KXD1: variants seen among roughly 807,000 people sequenced by gnomAD.
The protein encoded by KXD1 is kxDL motif-containing protein 1.
In KXD1, 5 loss-of-function variants were observed where a neutral mutation model predicts 12.1. The observed-to-expected ratio is 0.41, with a 90% CI of 0.22 to 0.87. The LOEUF is 0.87. KXD1 is among the 40% of genes least tolerant of loss of function. The pLI, the probability that KXD1 is intolerant of heterozygous loss-of-function variation, is 0.31. For missense variants in KXD1, 193 were observed against 244.9 expected, an observed-to-expected ratio of 0.79 and a Z score of 1.41; for synonymous variants, 98 against 100.5, an observed-to-expected ratio of 0.98 and a Z score of 0.15.
intron 4 of KXD1, 186 bp downstream of exon 4, chr19:18,567,364 G>A: frequency 1.5e-6 from 1 of 655,674 alleles, no homozygotes; most frequent in Non-Finnish European, 2.8e-6. Context: ...GGCAGAGTGG[G>A]CACTAGGACG....
intron 4 of KXD1, chr19:18,567,397 G>A (rs1216130742): frequency 9.2e-6 from 6 of 652,966 alleles, no homozygotes; most frequent in East Asian, 5.4e-5. Flanking sequence ...CCGTGGGGAG[G>A]CCGCACAGGA....
chr19:18,568,136 G>C (rs1228606879), intron 4 of KXD1, among the ~76,000 whole-genome samples: 2 of 152,044 alleles, frequency 1.3e-5, no homozygotes, highest in Admixed American at 1.3e-4. Flanking sequence ...GCGTGATGAT[G>C]GGCATCTGTA....
intron 2 of KXD1, among the ~76,000 whole-genome samples, chr19:18,563,979 C>T (rs1383662290): frequency 6.6e-6 from 1 of 151,826 alleles, no homozygotes; most frequent in African/African-American, 2.4e-5. Flanking sequence ...GTCCGCCTCC[C>T]GGGTTCAAAT....
At position 18,567,084 on chromosome 19, in the gene KXD1, C is replaced by G. The variant is rs762492931; in HGVS notation, c.255-48C>G. The G allele has an allele frequency of 1.1e-5, 17 of 1,586,266 alleles. No homozygotes were observed. The South Asian group carries it at 1.1e-4, about 10-fold the overall frequency. On this transcript the variant is annotated intron_variant, in intron 3 of 4. Coordinates refer to ENST00000222307, the MANE Select transcript of KXD1 (RefSeq NM_024069.4). ...GGCTTGTGGCCAGCACCAGGCCCAG[C>G]CTACCTGCTCAGCAGGTTAAGCCCT... is the stretch of plus-strand genomic sequence containing the variant.
At chr19:18,568,265 C>CAAA (rs397859705) in intron 4 of KXD1, 137 bp from the exon 5 acceptor site, 76 of 501,658 alleles carry the variant, frequency 1.5e-4, no homozygotes, top group Middle Eastern at 5.0e-4. Context: ...AACTCCGTCT[C>CAAA]AAAAAAAAAA....
Position 18,567,159 on chromosome 19 carries a change from G to T in KXD1, c.282G>T (p.Gln94His). Reference protein sequence around the residue: ...IRTLKGKLARQHPEAFSHIPE... With the variant: ...IRTLKGKLARHHPEAFSHIPE... Reference sequence around the variant, plus strand: ...CGCTGAAAGGGAAACTGGCCAGGCAGCACCCAGAGGCCTTCAGCCGTAAGT... The same window carrying T: ...CGCTGAAAGGGAAACTGGCCAGGCATCACCCAGAGGCCTTCAGCCGTAAGT... The change falls in exon 4 of 5, where the codon CAG (glutamine) becomes CAT (histidine). Residue 94 changes from glutamine (Q) to histidine (H), a missense_variant. Physicochemically the swap from Gln to His is conservative, Grantham distance 24. Coordinates refer to ENST00000222307, the MANE Select transcript of KXD1 (RefSeq NM_024069.4). 1.2e-6 allele frequency: 2 copies of T among 1,614,174 alleles called. No homozygotes were observed. The highest frequency in any genetic ancestry group is 1.7e-6 in the Non-Finnish European group (2 of 1,180,014).
rs1338479575 is a variant in KXD1, at chr19:18,564,967, C to T, written c.200C>T (p.Thr67Met). ...QQMSERFLHH[T>M]RTLVEMKRDL... Reference sequence around the variant, plus strand: ...ATGAGCGAACGCTTCCTGCACCACACGAGGACCCTAGTAGAGATGAAACGG... The same window carrying T: ...ATGAGCGAACGCTTCCTGCACCACATGAGGACCCTAGTAGAGATGAAACGG... Residue 67 changes from threonine (T) to methionine (M), a missense_variant, in exon 3 of 5, where the codon ACG becomes ATG. Thr to Met is a moderately conservative substitution (Grantham distance 81). Coordinates refer to ENST00000222307, the MANE Select transcript of KXD1 (RefSeq NM_024069.4). The T allele has an allele frequency of 4.3e-6, 7 of 1,612,016 alleles. No homozygotes were observed. The highest frequency in any genetic ancestry group is 2.7e-5 in the African/African-American group (2 of 74,926).
In KXD1 at chr19:18,562,065, C is replaced by T; in HGVS notation, c.9C>T (p.Leu3=). Residue 3 remains leucine (L), a synonymous_variant, in exon 2 of 5, where the codon CTC becomes CTT. Coordinates refer to ENST00000222307, the MANE Select transcript of KXD1 (RefSeq NM_024069.4). The part of the protein sequence containing the change: MD[L]PDSASRVFCG... ...CGGAGGAGGAGAAAGAGATGGACCT[C>T]CCGGACTCGGCCTCGAGGGTCTTCT... 3 of 1,612,852 alleles carry T rather than the reference C, an allele frequency of 1.9e-6. No homozygotes were observed. The highest frequency in any genetic ancestry group is 8.5e-7 in the Non-Finnish European group (1 of 1,179,366).
chr19:18,564,596 C>T (rs554908000), intron 2 of KXD1, among the ~76,000 whole-genome samples: 1 of 152,132 alleles, frequency 6.6e-6, no homozygotes, highest in African/African-American at 2.4e-5. Context: ...GCACTCCAGC[C>T]TGGGTGACGA....
In KXD1 at chr19:18,564,875, C is replaced by T. The variant is rs781506293; in HGVS notation, c.108C>T (p.Asp36=). ...GCCCTCTCTCCACCATCAGGCTGGA[C>T]CGCTTTGAGAAGACCAATGAGATGC... is the stretch of plus-strand genomic sequence containing the variant. The part of the protein sequence containing the change: ...AIILAQKNML[D]RFEKTNEMLL... The change falls in exon 3 of 5, where the codon GAC becomes GAT. Residue 36 remains aspartate, a synonymous_variant. Transcript: ENST00000222307. The T allele has an allele frequency of 6.2e-7, 1 of 1,613,546 alleles. No homozygotes were observed. Among genetic ancestry groups the T allele is most frequent in the Non-Finnish European group, 8.5e-7 (1 of 1,180,036 alleles).
At chr19:18,565,068 TCC>T in intron 3 of KXD1, 47 bp downstream of exon 3, 1 of 1,587,494 alleles carries the variant, frequency 6.3e-7, no homozygotes. Flanking sequence ...TGCCTCCACC[TCC>T]CCATCTGAGC....
intron 3 of KXD1, among the ~76,000 whole-genome samples, chr19:18,565,565 G>C (rs1395414729): frequency 3.3e-5 from 5 of 152,182 alleles, no homozygotes; most frequent in Non-Finnish European, 7.3e-5. Flanking sequence ...CCTGGCTGGA[G>C]TGCAGTGGCG....
chr19:18,561,480 G>A (rs1170972702), intron 1 of KXD1: 2 of 152,454 alleles, frequency 1.3e-5, no homozygotes, highest in African/African-American at 4.8e-5. Flanking sequence ...CTTGAACCTG[G>A]GAGGCGGAGG....
chr19:18,565,570 G>A (rs1975177835), intron 3 of KXD1, among the ~76,000 whole-genome samples: 1 of 152,164 alleles, frequency 6.6e-6, no homozygotes, highest in East Asian at 1.9e-4. Flanking sequence ...CTGGAGTGCA[G>A]TGGCGTGATC....
At chr19:18,560,259 C>T (rs376155283) in intron 1 of KXD1, 3 of 152,034 alleles carry the variant, frequency 2.0e-5, no homozygotes, top group Non-Finnish European at 2.9e-5. Flanking sequence ...CTGCCCACCT[C>T]GGCCTCCCAA....
At chr19:18,558,808 G>C (rs541364264) in intron 1 of KXD1, 2 of 152,160 alleles carry the variant, frequency 1.3e-5, no homozygotes, top group East Asian at 1.9e-4. Flanking sequence ...AGGCTTCTTG[G>C]GAGAGGAAGT....
At position 18,568,898 on chromosome 19, in the gene KXD1, T is replaced by G. The variant is rs1472460788; in HGVS notation, c.*267T>G. The G allele has an allele frequency of 6.1e-6, 3 of 493,926 alleles. No homozygotes were observed. Among genetic ancestry groups the G allele is most frequent in the Non-Finnish European group, 1.1e-5 (3 of 274,564 alleles). The allele number at this position is 493,926 out of a possible 1,614,324, so 30.6% of individuals were successfully genotyped here. A position where few individuals can be genotyped will look rare whatever the true frequency, so the allele number is the denominator to read the frequency against. The stretch of plus-strand genomic sequence containing the variant: ...CCCATTCCAGCTGGAGTCGTGGGGC[T>G]GGGCACAGGGGAATTTTTCCAGAGC... On this transcript the variant is annotated 3_prime_UTR_variant, in exon 5 of 5. Transcript: ENST00000222307.
At chr19:18,568,371 C>G (rs371064327) in intron 4 of KXD1, 31 bp from the exon 5 acceptor site, 21 of 1,569,556 alleles carry the variant, frequency 1.3e-5, no homozygotes, top group Non-Finnish European at 1.8e-5. Context: ...GGCAAGGTGA[C>G]AAAACCAACT....
chr19:18,561,253 CA>C (rs995822319), intron 1 of KXD1, among the ~76,000 whole-genome samples: 1 of 151,722 alleles, frequency 6.6e-6, no homozygotes, highest in Non-Finnish European at 1.5e-5. Context: ...AACAAACAAA[CA>C]AAAACAAGGT....
Sources: gnomAD v4.1 joint callset for allele counts (sites outside exome capture counted in the v4.1 genomes callset) on GRCh38, gnomAD v4.1.1 for gene constraint, MANE v1.5 for transcripts, NCBI Gene and HGNC (gene_info 2026-07-23, HGNC 2026-07-21) for gene names.